Variants in SMARCC1 observed in about 807,000 individuals in gnomAD.
SMARCC1 encodes SWI/SNF related BAF chromatin remodeling complex subunit C1, also known as SWI/SNF complex subunit SMARCC1.
SMARCC1 carries 43 observed loss-of-function variants against 147.4 expected under a neutral mutation model. That is an observed-to-expected ratio of 0.29 (90% confidence interval 0.23 to 0.38). The LOEUF (loss-of-function observed/expected upper bound fraction) is 0.38, where lower values mean the gene tolerates loss of function less well. SMARCC1 is among the 10% of genes least tolerant of loss of function. SMARCC1 has a pLI of 1.00. For synonymous variants in SMARCC1, 495 were observed against 484.4 expected, an observed-to-expected ratio of 1.02 and a Z score of -0.29; for missense variants, 1,119 against 1,381.1, an observed-to-expected ratio of 0.81 and a Z score of 3.01.
chr3:47,687,864 A>T (rs1440266594), intron 13 of SMARCC1, among the ~76,000 whole-genome samples: 2 of 152,208 alleles, frequency 1.3e-5, no homozygotes, highest in Non-Finnish European at 2.9e-5. Flanking sequence ...CCTAACCTCA[A>T]GCAATCCTCC....
intron 7 of SMARCC1, among the ~76,000 whole-genome samples, chr3:47,720,032 C>T (rs1036122042): frequency 2.6e-5 from 4 of 152,020 alleles, no homozygotes; most frequent in East Asian, 1.9e-4. Context: ...CCACTGTGCC[C>T]GGCAAAATTC....
At chr3:47,701,194 C>A (rs2033914540) in intron 11 of SMARCC1, 84 bp downstream of exon 11, 33 of 1,154,550 alleles carry the variant, frequency 2.9e-5, no homozygotes, top group Non-Finnish European at 4.2e-5. Flanking sequence ...GAACTGTGGA[C>A]CCACAGCAAG....
intron 24 of SMARCC1, among the ~76,000 whole-genome samples, chr3:47,626,274 A>G (rs1320032766): frequency 6.6e-6 from 1 of 151,752 alleles, no homozygotes; most frequent in Admixed American, 6.6e-5. Flanking sequence ...AGTCTCCTGA[A>G]CAGCTGGGAT....
Position 47,661,354 on chromosome 3 carries a change from T to C in SMARCC1, c.2260A>G (p.Thr754Ala), listed in dbSNP as rs982767452. 6.2e-7 allele frequency: 1 copy of C among 1,613,926 alleles called. No homozygotes were observed. Among genetic ancestry groups the C allele is most frequent in the African/African-American group, 1.3e-5 (1 of 75,032 alleles). The change falls in exon 21 of 28, where the codon ACC (threonine) becomes GCC (alanine). Residue 754 changes from threonine (T) to alanine (A), a missense_variant. Thr to Ala is a moderately conservative substitution (Grantham distance 58). Transcript: ENST00000254480. Reference protein sequence around the residue: ...AARASGKVDPTYGLESSCIAG... With the variant: ...AARASGKVDPAYGLESSCIAG... ...ATGCAGCTGCTCTCCAGACCGTAGG[T>C]GGGATCCACTTTCCCAGAGGCTCGT...
intron 7 of SMARCC1, among the ~76,000 whole-genome samples, chr3:47,719,453 C>G (rs1048702660): frequency 6.6e-6 from 1 of 151,978 alleles, no homozygotes; most frequent in African/African-American, 2.4e-5. Flanking sequence ...GTAATCCCAG[C>G]ACTTTGAGAA....
intron 6 of SMARCC1, 48 bp downstream of exon 6, chr3:47,728,977 T>C: frequency 8.6e-7 from 1 of 1,159,526 alleles, no homozygotes; most frequent in Non-Finnish European, 1.3e-6. Flanking sequence ...TAAAATCCAT[T>C]TGGTATGATG....
chr3:47,735,694 C>T (rs2034433479), intron 5 of SMARCC1, among the ~76,000 whole-genome samples: 1 of 152,004 alleles, frequency 6.6e-6, no homozygotes, highest in South Asian at 2.1e-4. Context: ...GCAGAGGATG[C>T]AATGAACCGG....
At chr3:47,774,477 G>C (rs893329567) in intron 1 of SMARCC1, among the ~76,000 whole-genome samples, 6 of 152,012 alleles carry the variant, frequency 3.9e-5, no homozygotes, top group South Asian at 2.1e-4. Context: ...GAGCACAGTG[G>C]CGCAATCTCT....
chr3:47,751,894 C>A (rs2034634024), intron 2 of SMARCC1, among the ~76,000 whole-genome samples: 1 of 151,866 alleles, frequency 6.6e-6, no homozygotes, highest in Non-Finnish European at 1.5e-5. Context: ...TCAGCCTGAC[C>A]AACATGGTGA....
chr3:47,602,843 T>C (rs1008438490), intron 26 of SMARCC1, among the ~76,000 whole-genome samples: 12 of 152,292 alleles, frequency 7.9e-5, no homozygotes, highest in Admixed American at 4.6e-4. Context: ...CAAGAGTGCC[T>C]CATTTATTAC....
chr3:47,606,310 G>A (rs564155124), intron 26 of SMARCC1, among the ~76,000 whole-genome samples: 4 of 152,278 alleles, frequency 2.6e-5, no homozygotes, highest in South Asian at 2.1e-4. Flanking sequence ...CTTCCGTCAC[G>A]GGAGGCAGCA....
intron 2 of SMARCC1, among the ~76,000 whole-genome samples, chr3:47,767,616 T>C (rs1164079078): frequency 7.5e-6 from 1 of 134,116 alleles, no homozygotes; most frequent in African/African-American, 2.8e-5. Flanking sequence ...ACGCCTGTAA[T>C]CCCAGCACCT....
intron 14 of SMARCC1, among the ~76,000 whole-genome samples, chr3:47,684,076 T>C (rs2033689174): frequency 6.6e-6 from 1 of 151,926 alleles, no homozygotes; most frequent in Non-Finnish European, 1.5e-5. Flanking sequence ...CCGTCTCTAC[T>C]AAAAATACAA....
At chr3:47,606,596 T>C (rs1054047891) in intron 26 of SMARCC1, among the ~76,000 whole-genome samples, 8 of 152,222 alleles carry the variant, frequency 5.3e-5, no homozygotes, top group African/African-American at 1.9e-4. Context: ...GAGCAGTTAA[T>C]GTGAATATGA....
intron 2 of SMARCC1, among the ~76,000 whole-genome samples, chr3:47,756,111 T>C (rs967349079): frequency 1.3e-5 from 2 of 150,200 alleles, no homozygotes; most frequent in African/African-American, 2.5e-5. Flanking sequence ...GAGGCAGAGG[T>C]TGCAGGGAGC....
chr3:47,590,862 G>C (rs767733933), intron 26 of SMARCC1, 25 bp from the exon 27 acceptor site: 2 of 1,587,160 alleles, frequency 1.3e-6, no homozygotes, highest in Non-Finnish European at 1.7e-6. Context: ...TTAAAGTACT[G>C]TAAGTATACT....
chr3:47,689,364 A>G, intron 13 of SMARCC1, 23 bp downstream of exon 13: 1 of 1,604,208 alleles, frequency 6.2e-7, no homozygotes. Flanking sequence ...GCTCTCTCAC[A>G]CCAGGCTTAA....
intron 1 of SMARCC1, among the ~76,000 whole-genome samples, chr3:47,775,462 G>A (rs1330159277): frequency 1.4e-5 from 2 of 143,880 alleles, no homozygotes; most frequent in African/African-American, 2.5e-5. Flanking sequence ...GCCCAGCCCC[G>A]TAAATTTTTA....
chr3:47,686,783 A>C (rs895058338), intron 13 of SMARCC1, among the ~76,000 whole-genome samples: 1 of 152,154 alleles, frequency 6.6e-6, no homozygotes, highest in Non-Finnish European at 1.5e-5. Flanking sequence ...CCAAAAGATC[A>C]GGACCAGCCT....
Sources: allele counts gnomAD v4.1 joint callset (sites outside exome capture counted in the v4.1 genomes callset), GRCh38; gene constraint gnomAD v4.1.1; transcripts MANE v1.5; gene names NCBI Gene and HGNC (gene_info 2026-07-23, HGNC 2026-07-21).